TAFA2: variants seen among roughly 807,000 people sequenced by gnomAD.
The protein encoded by TAFA2 is chemokine-like protein TAFA-2.
TAFA2 carries 7 observed loss-of-function variants against 18.8 expected under a neutral mutation model. The observed-to-expected ratio is 0.37, with a 90% CI of 0.21 to 0.70. The LOEUF (loss-of-function observed/expected upper bound fraction) is 0.70. TAFA2 is among the 30% of genes least tolerant of loss of function. The probability of loss-of-function intolerance (pLI) is 0.53; values close to 1 mark genes in which losing one functional copy is unlikely to be tolerated. For missense variants in TAFA2, 122 were observed against 158.1 expected (o/e 0.77, Z 1.23); for synonymous variants, 60 against 54.2 (o/e 1.11, Z -0.47).
chr12:62,016,805 C>T (rs1880953330), intron 1 of TAFA2, among the ~76,000 whole-genome samples: 1 of 149,568 alleles, frequency 6.7e-6, no homozygotes, highest in African/African-American at 2.5e-5. Context: ...GTACCTGGTA[C>T]CCTGATGAGA....
At chr12:62,259,635 G>C (rs1303220185), upstream of TAFA2, 1 of 152,238 alleles carries the variant, frequency 6.6e-6, no homozygotes, top group East Asian at 1.9e-4. Context: ...TTACTATCCT[G>C]TATAAACAAG....
chr12:61,809,424 C>T (rs1291380709), intron 2 of TAFA2, among the ~76,000 whole-genome samples: 3 of 151,306 alleles, frequency 2.0e-5, no homozygotes, highest in Non-Finnish European at 2.9e-5. Context: ...GAGTTTTGAA[C>T]TTTACTTTTT....
chr12:62,235,081 C>A (rs1436778569), intron 1 of TAFA2: 1 of 623,764 alleles, frequency 1.6e-6, no homozygotes, highest in Non-Finnish European at 3.1e-6. Flanking sequence ...AGCCTGAAGG[C>A]CCTGGCCACC....
chr12:61,816,955 G>T (rs1872112469), intron 2 of TAFA2, among the ~76,000 whole-genome samples: 1 of 151,242 alleles, frequency 6.6e-6, no homozygotes, highest in African/African-American at 2.5e-5. Flanking sequence ...GTATGCCTTT[G>T]AGAAATTGTA....
intron 2 of TAFA2, among the ~76,000 whole-genome samples, chr12:61,821,366 G>A (rs2121050887): frequency 6.6e-6 from 1 of 152,098 alleles, no homozygotes; most frequent in South Asian, 2.1e-4. Context: ...TCTAGGAAGA[G>A]GTTAGAAAAC....
intron 1 of TAFA2, among the ~76,000 whole-genome samples, chr12:61,966,204 T>C (rs2136659490): frequency 6.6e-6 from 1 of 152,054 alleles, no homozygotes; most frequent in Middle Eastern, 3.4e-3. Context: ...TAGCTGAGAC[T>C]GGATAGTTTA....
chr12:61,965,966 T>C (rs1413414389), intron 1 of TAFA2, among the ~76,000 whole-genome samples: 4 of 151,912 alleles, frequency 2.6e-5, no homozygotes, highest in Admixed American at 2.0e-4. Context: ...CTGCCATCCA[T>C]TGATGGACAT....
intron 1 of TAFA2, among the ~76,000 whole-genome samples, chr12:62,236,547 G>A (rs1376979141): frequency 6.6e-6 from 1 of 152,108 alleles, no homozygotes; most frequent in Non-Finnish European, 1.5e-5. Flanking sequence ...TTACAGGCGT[G>A]AGCCACCGCA....
chr12:62,112,728 A>T (rs972521273), intron 1 of TAFA2, among the ~76,000 whole-genome samples: 1 of 151,872 alleles, frequency 6.6e-6, no homozygotes, highest in African/African-American at 2.4e-5. Context: ...TTATTTCATT[A>T]AGTTGATCTT....
At chr12:62,162,959 A>G (rs2062415593) in intron 1 of TAFA2, among the ~76,000 whole-genome samples, 1 of 151,998 alleles carries the variant, frequency 6.6e-6, no homozygotes, top group Admixed American at 6.6e-5. Context: ...TAAATCAAAA[A>G]AGGCAGCACT....
At chr12:61,880,421 A>G in intron 1 of TAFA2, 1 of 539,234 alleles carries the variant, frequency 1.9e-6, no homozygotes, top group South Asian at 1.4e-5. Flanking sequence ...CAAGCAGGAC[A>G]TGGCACAGCA....
chr12:61,989,186 C>A (rs950340753), intron 1 of TAFA2, among the ~76,000 whole-genome samples: 1 of 152,070 alleles, frequency 6.6e-6, no homozygotes, highest in Non-Finnish European at 1.5e-5. Flanking sequence ...AGGTTGTGAT[C>A]CCAATTTTGT....
At chr12:62,142,120 GA>G (rs778754140) in intron 1 of TAFA2, among the ~76,000 whole-genome samples, 20 of 152,152 alleles carry the variant, frequency 1.3e-4, no homozygotes, top group Non-Finnish European at 2.4e-4. Context: ...CTGGGGCTCA[GA>G]AAGGTTAAGT....
chr12:61,836,208 TA>T (rs1384188315), intron 2 of TAFA2, among the ~76,000 whole-genome samples: 1 of 151,920 alleles, frequency 6.6e-6, no homozygotes, highest in African/African-American at 2.4e-5. Context: ...ATTAACTATA[TA>T]AAAACTGATG....
At chr12:62,098,282 G>C (rs886782956) in intron 1 of TAFA2, among the ~76,000 whole-genome samples, 1 of 152,080 alleles carries the variant, frequency 6.6e-6, no homozygotes, top group Non-Finnish European at 1.5e-5. Flanking sequence ...GAGTGGCTGA[G>C]GTTTACCTAC....
chr12:61,922,432 G>A (rs576979133), intron 1 of TAFA2, among the ~76,000 whole-genome samples: 1 of 152,108 alleles, frequency 6.6e-6, no homozygotes, highest in Non-Finnish European at 1.5e-5. Flanking sequence ...GTTAAAAAGT[G>A]GGTGCAGCCT....
intron 2 of TAFA2, among the ~76,000 whole-genome samples, chr12:61,828,404 T>C (rs956774718): frequency 6.6e-6 from 1 of 151,958 alleles, no homozygotes; most frequent in Non-Finnish European, 1.5e-5. Flanking sequence ...TCAGATTCCA[T>C]TTCCTAATCA....
At chr12:61,922,191 A>C (rs944720295) in intron 1 of TAFA2, among the ~76,000 whole-genome samples, 1 of 152,210 alleles carries the variant, frequency 6.6e-6, no homozygotes, top group African/African-American at 2.4e-5. Context: ...GAAACAATGC[A>C]TGTTTGTATA....
At chr12:61,931,151 T>C (rs1474390188) in intron 1 of TAFA2, among the ~76,000 whole-genome samples, 1 of 152,230 alleles carries the variant, frequency 6.6e-6, no homozygotes, top group Non-Finnish European at 1.5e-5. Flanking sequence ...CATAAGGTAT[T>C]CTGTGATTAA....
Sources: allele counts gnomAD v4.1 joint callset (sites outside exome capture counted in the v4.1 genomes callset), GRCh38; gene constraint gnomAD v4.1.1; transcripts MANE v1.5; gene names NCBI Gene and HGNC (gene_info 2026-07-23, HGNC 2026-07-21).